PHLDB2: variants seen among roughly 807,000 people sequenced by gnomAD.
PHLDB2 encodes the protein pleckstrin homology-like domain family B member 2.
Under a neutral mutation model 123.6 loss-of-function variants are expected in PHLDB2, and 71 were observed. The ratio of observed to expected loss-of-function variants is 0.57; its 90% CI spans 0.47 to 0.70. The LOEUF is 0.70. PHLDB2 is among the 30% of genes least tolerant of loss of function. PHLDB2 has a pLI of 0.00. For synonymous variants in PHLDB2, 547 were observed against 541.6 expected, an observed-to-expected ratio of 1.01 and a Z score of -0.14; for missense variants, 1,446 against 1,519.5, an observed-to-expected ratio of 0.95 and a Z score of 0.80.
At chr3:111,778,396 A>C (rs1363399761) in intron 1 of PHLDB2, 1 of 152,032 alleles carries the variant, frequency 6.6e-6, no homozygotes, top group African/African-American at 2.4e-5. Context: ...CTTTGCCAAC[A>C]CCTTGATTTC....
chr3:111,840,470 T>G (rs1032875079), intron 1 of PHLDB2, among the ~76,000 whole-genome samples: 2 of 152,316 alleles, frequency 1.3e-5, no homozygotes, highest in African/African-American at 2.4e-5. Context: ...TAATATTTAC[T>G]CTAGCATTTT....
At chr3:111,753,445 T>G (rs1450435430) in intron 1 of PHLDB2, among the ~76,000 whole-genome samples, 21 of 149,168 alleles carry the variant, frequency 1.4e-4, no homozygotes, top group Non-Finnish European at 3.1e-4. Context: ...CATAAATGTC[T>G]TCTTTTGAGA....
chr3:111,760,068 G>A (rs1460632583), intron 1 of PHLDB2, among the ~76,000 whole-genome samples: 1 of 152,226 alleles, frequency 6.6e-6, no homozygotes, highest in Non-Finnish European at 1.5e-5. Flanking sequence ...GGGAGACATT[G>A]CTAGGCAATC....
At chr3:111,909,584 A>G (rs1331684348) in intron 2 of PHLDB2, among the ~76,000 whole-genome samples, 1 of 152,096 alleles carries the variant, frequency 6.6e-6, no homozygotes, top group Non-Finnish European at 1.5e-5. Context: ...GGTGACATTG[A>G]CAGACTTTGT....
chr3:111,963,187 C>T (rs1185147664), intron 13 of PHLDB2, among the ~76,000 whole-genome samples: 1 of 152,124 alleles, frequency 6.6e-6, no homozygotes, highest in Non-Finnish European at 1.5e-5. Context: ...TACCTACTGT[C>T]AGATCCCGGA....
chr3:111,853,094 TTATC>T lies in PHLDB2; in HGVS notation c.67+7163_67+7166del, dbSNP rs540740912. ...ATTTGATTAATATGTTATTTATACT[TTATC>T]TATTTAAATATATATTAGAGAATGT... On this transcript the variant is annotated intron_variant, in intron 2 of 17. Transcript: ENST00000393923. 1.2e-4 allele frequency among the ~76,000 whole-genome samples: 18 copies of T among 152,300 alleles called. No homozygotes were observed. The East Asian group carries it at 3.1e-3, about 26-fold the overall frequency.
chr3:111,962,250 C>T lies in PHLDB2; in HGVS notation c.3015C>T (p.Ser1005=), dbSNP rs1376105213. The T allele has an allele frequency of 1.3e-6, 2 of 1,579,330 alleles. No individual in the cohort carries two copies. Among genetic ancestry groups the T allele is most frequent in the African/African-American group, 1.4e-5 (1 of 72,328 alleles). Residue 1005 remains serine, a synonymous_variant, in exon 13 of 18, where the codon AGC becomes AGT. Coordinates refer to ENST00000431670, the MANE Select transcript of PHLDB2 (RefSeq NM_001134438.2). The stretch of plus-strand genomic sequence containing the variant: ...AGGACCAGGCCTTTGATACTCTGAG[C>T]CTCGATAGCTCTGATAGCATGGAGA... ...SYKDQAFDTL[S]LDSSDSMETS...
chr3:111,859,770 A>G, intron 1 of PHLDB2, 194 bp downstream of exon 1: 10 of 983,022 alleles, frequency 1.0e-5, no homozygotes, highest in Non-Finnish European at 1.2e-5. Flanking sequence ...ACCGCGAGTC[A>G]GGAGGGGCCG....
At chr3:111,752,548 T>C (rs928211011) in intron 1 of PHLDB2, among the ~76,000 whole-genome samples, 3 of 151,904 alleles carry the variant, frequency 2.0e-5, no homozygotes, top group Admixed American at 1.3e-4. Flanking sequence ...TCTATTTTGC[T>C]GTTAGTATAT....
intron 1 of PHLDB2, among the ~76,000 whole-genome samples, chr3:111,792,996 G>T (rs1371403711): frequency 1.3e-5 from 2 of 152,192 alleles, no homozygotes; most frequent in Non-Finnish European, 2.9e-5. Context: ...CCCAAAGCTA[G>T]CACAGCACTG....
intron 1 of PHLDB2, among the ~76,000 whole-genome samples, chr3:111,752,219 AGTGTGT>A (rs57931243): frequency 6.8e-6 from 1 of 146,892 alleles, no homozygotes; most frequent in Non-Finnish European, 1.5e-5. Flanking sequence ...GAAGTTTCTA[AGTGTGT>A]GTGTGTGTGT....
chr3:111,847,971 TAAG>T (rs1191688467), intron 2 of PHLDB2, among the ~76,000 whole-genome samples: 5 of 152,218 alleles, frequency 3.3e-5, no homozygotes, highest in East Asian at 3.9e-4. Flanking sequence ...AGACTACAAT[TAAG>T]AAGGAGGGCT....
intron 13 of PHLDB2, among the ~76,000 whole-genome samples, chr3:111,962,608 C>G (rs1373560572): frequency 6.6e-6 from 1 of 152,176 alleles, no homozygotes. Flanking sequence ...TTGGTTAGCT[C>G]TAAGCTTCAC....
intron 1 of PHLDB2, among the ~76,000 whole-genome samples, chr3:111,866,382 T>C (rs1261098732): frequency 6.6e-6 from 1 of 152,138 alleles, no homozygotes; most frequent in East Asian, 1.9e-4. Flanking sequence ...GGTTGACCTG[T>C]GTTTGTTCCA....
At chr3:111,914,719 A>C (rs1388166731) in intron 3 of PHLDB2, 1 of 151,574 alleles carries the variant, frequency 6.6e-6, no homozygotes, top group Non-Finnish European at 1.5e-5. Flanking sequence ...CTTTATTTTG[A>C]CTTTATTTGT....
chr3:111,940,691 C>G, intron 8 of PHLDB2, 46 bp downstream of exon 8: 1 of 1,171,188 alleles, frequency 8.5e-7, no homozygotes, highest in Non-Finnish European at 1.2e-6. Flanking sequence ...ACATAGGTTC[C>G]AAATTCAGGG....
chr3:111,906,662 T>G (rs1288940238), intron 2 of PHLDB2, among the ~76,000 whole-genome samples: 1 of 152,198 alleles, frequency 6.6e-6, no homozygotes, highest in East Asian at 1.9e-4. Context: ...TTCACGTATG[T>G]CTCACTCTCA....
At chr3:111,904,965 T>C (rs2067427307) in intron 2 of PHLDB2, among the ~76,000 whole-genome samples, 1 of 152,212 alleles carries the variant, frequency 6.6e-6, no homozygotes, top group Non-Finnish European at 1.5e-5. Flanking sequence ...TGTTAGATGA[T>C]TTCATCATCT....
chr3:111,873,356 T>C (rs1482745317), intron 1 of PHLDB2, among the ~76,000 whole-genome samples: 8 of 152,244 alleles, frequency 5.3e-5, no homozygotes, highest in Non-Finnish European at 8.8e-5. Flanking sequence ...AGTTTAATAC[T>C]CTATAGTTTC....
Sources: gnomAD v4.1 joint callset for allele counts (sites outside exome capture counted in the v4.1 genomes callset) on GRCh38, gnomAD v4.1.1 for gene constraint, MANE v1.5 for transcripts, NCBI Gene and HGNC (gene_info 2026-07-23, HGNC 2026-07-21) for gene names.